The following CFAP54 variants were observed in gnomAD, a reference collection of about 807,000 sequenced individuals.
The protein encoded by CFAP54 is cilia and flagella associated protein 54.
CFAP54 carries 290 observed loss-of-function variants against 370.4 expected under a neutral mutation model. The ratio of observed to expected loss-of-function variants is 0.78; its 90% CI spans 0.71 to 0.86. CFAP54 has a LOEUF of 0.86. CFAP54 is among the 40% of genes least tolerant of loss of function. The probability of loss-of-function intolerance (pLI) is 0.00; values close to 1 mark genes in which losing one functional copy is unlikely to be tolerated. For missense variants in CFAP54, 3,399 were observed against 3,528.7 expected (o/e 0.96, Z 0.93); for synonymous variants, 1,206 against 1,236.5 (o/e 0.98, Z 0.52).
At chr12:96,518,635 G>A (rs185752250) in intron 5 of CFAP54, among the ~76,000 whole-genome samples, 180 of 152,294 alleles carry the variant, frequency 1.2e-3, no homozygotes, top group African/African-American at 3.9e-3. Context: ...GCAGTAAGCT[G>A]CGATTGTGCC....
chr12:96,793,157 G>A (rs57519512), intron 63 of CFAP54, among the ~76,000 whole-genome samples: 1,800 of 151,976 alleles, frequency 0.012, 31 homozygotes, highest in African/African-American at 0.04. Context: ...CATCACCCAA[G>A]CAATGTACAC....
chr12:96,612,001 C>G, intron 26 of CFAP54, among the ~76,000 whole-genome samples: 1 of 152,178 alleles, frequency 6.6e-6, no homozygotes, highest in East Asian at 1.9e-4. Flanking sequence ...CTTCCCCAAC[C>G]TAGCAAGGCA....
chr12:96,745,409 G>A (rs1958103506), intron 55 of CFAP54, among the ~76,000 whole-genome samples: 1 of 152,060 alleles, frequency 6.6e-6, no homozygotes, highest in African/African-American at 2.4e-5. Context: ...TCTCATTGTG[G>A]TTTTGATTTG....
chr12:96,650,236 C>T (rs1389313327), intron 35 of CFAP54, among the ~76,000 whole-genome samples, 164 bp downstream of exon 35: 1 of 152,102 alleles, frequency 6.6e-6, no homozygotes, highest in African/African-American at 2.4e-5. Flanking sequence ...TGAGGTGTAC[C>T]TGCAGTGATA....
chr12:96,870,572 A>G (rs1000721489), intron 67 of CFAP54, among the ~76,000 whole-genome samples: 1 of 152,236 alleles, frequency 6.6e-6, no homozygotes, highest in Non-Finnish European at 1.5e-5. Context: ...TGGATGCTCA[A>G]TAACAGGTAG....
intron 5 of CFAP54, among the ~76,000 whole-genome samples, chr12:96,514,440 G>A (rs1315979040): frequency 6.6e-6 from 1 of 152,202 alleles, no homozygotes; most frequent in Non-Finnish European, 1.5e-5. Flanking sequence ...ATTGAGGGGG[G>A]ACTCTCCCAG....
At chr12:96,873,110 T>C (rs1960208142) in intron 67 of CFAP54, among the ~76,000 whole-genome samples, 1 of 152,170 alleles carries the variant, frequency 6.6e-6, no homozygotes. Context: ...TTTGAGAAGC[T>C]AGTGATGAGG....
intron 19 of CFAP54, among the ~76,000 whole-genome samples, chr12:96,569,223 C>T (rs1955889196): frequency 6.6e-6 from 1 of 152,194 alleles, no homozygotes; most frequent in Non-Finnish European, 1.5e-5. Flanking sequence ...TTCTGTACAG[C>T]ATCCATTTCC....
chr12:96,852,398 T>C (rs1724562442), intron 66 of CFAP54, among the ~76,000 whole-genome samples: 1 of 152,092 alleles, frequency 6.6e-6, no homozygotes, highest in African/African-American at 2.4e-5. Flanking sequence ...GATCCATACA[T>C]ATACAATCCC....
Position 96,637,460 on chromosome 12 carries a change from A to T in CFAP54, c.4317-6718A>T, listed in dbSNP as rs144381007. Among the ~76,000 whole-genome samples, 98 of 152,296 alleles carry T rather than the reference A, an allele frequency of 6.4e-4. 2 individuals are homozygous for T. The East Asian group carries it at 0.018, about 27-fold the overall frequency. On this transcript the variant is annotated intron_variant, in intron 32 of 67. Transcript: ENST00000524981. ...GTTCCTTTTCTAACTTTCAAAGTAG[A>T]ATGCTTACCTCATATAATCTTGGGA...
intron 26 of CFAP54, among the ~76,000 whole-genome samples, chr12:96,619,942 A>G (rs946474131): frequency 2.6e-5 from 4 of 152,182 alleles, no homozygotes; most frequent in African/African-American, 9.6e-5. Context: ...ATGGTGACTC[A>G]TGCCTATAAT....
chr12:96,631,512 A>AT (rs1565921038), intron 32 of CFAP54, among the ~76,000 whole-genome samples: 1 of 151,154 alleles, frequency 6.6e-6, no homozygotes, highest in Non-Finnish European at 1.5e-5. Flanking sequence ...TATGTTTGTG[A>AT]TTTTTTGAAA....
rs1592894534 is a variant in CFAP54 at position 96,630,301 on chromosome 12, A to G, written c.4215+97A>G. 9.5e-6 allele frequency: 6 copies of G among 630,220 alleles called. No individual in the cohort carries two copies. In the East Asian group the frequency reaches 1.7e-4, roughly 18 times the overall value. 39.0% of individuals were successfully genotyped at this position (630,220 alleles called of 1,614,324 possible). A position where few individuals can be genotyped will look rare whatever the true frequency, so the allele number is the denominator to read the frequency against. On this transcript the variant is annotated intron_variant, in intron 31 of 67. Transcript: ENST00000524981. ...ACATTTAAACTCATTATAATATGAA[A>G]CAGAAGGATATACTAACAAGCATAA...
At chr12:96,593,409 A>G (rs973148623) in intron 24 of CFAP54, among the ~76,000 whole-genome samples, 1 of 152,090 alleles carries the variant, frequency 6.6e-6, no homozygotes, top group Non-Finnish European at 1.5e-5. Flanking sequence ...ACCTTGTTAC[A>G]TGGGACTATG....
At chr12:96,493,134 T>C (rs527647909) in intron 1 of CFAP54, among the ~76,000 whole-genome samples, 38 of 152,342 alleles carry the variant, frequency 2.5e-4, no homozygotes, top group Non-Finnish European at 4.0e-4. Context: ...AAGCATTGGA[T>C]TGACATGTGC....
At chr12:96,641,919 G>A (rs933320349) in intron 32 of CFAP54, among the ~76,000 whole-genome samples, 67 of 143,756 alleles carry the variant, frequency 4.7e-4, no homozygotes, top group Non-Finnish European at 9.1e-4. Flanking sequence ...CACACACCGG[G>A]GCCTGTTGTG....
intron 26 of CFAP54, among the ~76,000 whole-genome samples, chr12:96,616,430 G>A (rs7315718): frequency 0.03 from 4,527 of 152,140 alleles, 234 homozygotes; most frequent in African/African-American, 0.1. Flanking sequence ...GTTAATGGGC[G>A]CAGCACACCA....
At chr12:96,686,349 A>G (rs1193737412) in intron 42 of CFAP54, among the ~76,000 whole-genome samples, 4 of 152,190 alleles carry the variant, frequency 2.6e-5, no homozygotes, top group Admixed American at 1.3e-4. Flanking sequence ...GTCTCCAAGC[A>G]TGTTCACAAT....
At chr12:96,535,478 T>C in intron 11 of CFAP54, 37 bp from the exon 12 acceptor site, 1 of 1,347,896 alleles carries the variant, frequency 7.4e-7, no homozygotes, top group Non-Finnish European at 1.0e-6. Context: ...TTGTAAGTGA[T>C]TTTTTTGTTT....
Sources: allele counts gnomAD v4.1 joint callset (sites outside exome capture counted in the v4.1 genomes callset), GRCh38; gene constraint gnomAD v4.1.1; transcripts MANE v1.5; gene names NCBI Gene and HGNC (gene_info 2026-07-23, HGNC 2026-07-21).